Variants in MAN2A1 observed in about 807,000 individuals in gnomAD.
MAN2A1 encodes the protein alpha-mannosidase 2.
Under a neutral mutation model 142.6 loss-of-function variants are expected in MAN2A1, and 76 were observed. The observed-to-expected ratio is 0.53, with a 90% CI of 0.44 to 0.65. The LOEUF (loss-of-function observed/expected upper bound fraction) is 0.65, where lower values mean the gene tolerates loss of function less well. Among genes scored for constraint, MAN2A1 ranks in the 30% least tolerant of loss-of-function variants. The probability of loss-of-function intolerance (pLI) is 0.00; values close to 1 mark genes in which losing one functional copy is unlikely to be tolerated. For synonymous variants in MAN2A1, 559 were observed against 473.2 expected, an observed-to-expected ratio of 1.18 and a Z score of -2.35; for missense variants, 1,311 against 1,365.1, an observed-to-expected ratio of 0.96 and a Z score of 0.62.
chr5:109,715,153 C>T (rs1751417162), intron 2 of MAN2A1, among the ~76,000 whole-genome samples: 1 of 151,834 alleles, frequency 6.6e-6, no homozygotes, highest in African/African-American at 2.4e-5. Context: ...ATCCTCCTGC[C>T]CAGCTTGTTT....
At chr5:109,713,859 G>T in intron 2 of MAN2A1, 85 bp downstream of exon 2, 3 of 1,319,546 alleles carry the variant, frequency 2.3e-6, no homozygotes, top group Non-Finnish European at 3.1e-6. Context: ...TTCTGACTTG[G>T]TAAGTTGCTT....
rs1219935200 is a variant in MAN2A1, at chr5:109,804,293, TA to T, written c.1944-12977del. 6 of 986,908 alleles carry T rather than the reference TA, an allele frequency of 6.1e-6. No individual in the cohort carries two copies. In the African/African-American group the frequency reaches 1.0e-4, roughly 17 times the overall value. 61.1% of individuals were successfully genotyped at this position (986,908 alleles called of 1,614,324 possible). On this transcript the variant is annotated intron_variant, in intron 12 of 21. Transcript: ENST00000261483. ...CAACTTTGTGGTAAAAGAAACATTT[TA>T]AATAGAGCCTTTGGACTTATTTATT...
intron 17 of MAN2A1, among the ~76,000 whole-genome samples, chr5:109,844,047 C>T (rs75768518): frequency 0.04 from 6,029 of 152,180 alleles, 388 homozygotes; most frequent in African/African-American, 0.14. Context: ...CATGTTAATT[C>T]GACTACAGCC....
At chr5:109,697,916 T>C (rs929949621) in intron 1 of MAN2A1, among the ~76,000 whole-genome samples, 4 of 152,250 alleles carry the variant, frequency 2.6e-5, no homozygotes, top group African/African-American at 7.2e-5. Context: ...ACATGTTTCA[T>C]AGATTTCCAG....
rs1173758085 is a variant in MAN2A1 at position 109,868,895 on chromosome 5, A to T, written c.*1897A>T. 6.6e-6 allele frequency: 1 copy of T among 152,130 alleles called. No individual in the cohort carries two copies. The highest frequency in any genetic ancestry group is 1.9e-4 in the East Asian group (1 of 5,192). The allele number at this position is 152,130 out of a possible 1,614,324, so 9.4% of individuals were successfully genotyped here. A position where few individuals can be genotyped will look rare whatever the true frequency, so the allele number is the denominator to read the frequency against. ...TGGGAGTTCAGTTTGTCTGTGGTTA[A>T]GTGGGTGTGCTTAATCATTCTCGAA... On this transcript the variant is annotated 3_prime_UTR_variant, in exon 22 of 22. Transcript: ENST00000261483.
intron 12 of MAN2A1, among the ~76,000 whole-genome samples, chr5:109,816,033 A>G (rs1202051972): frequency 7.2e-5 from 11 of 152,214 alleles, no homozygotes; most frequent in Admixed American, 6.5e-5. Context: ...CTTGCAGAGG[A>G]TGCAGATTTC....
chr5:109,799,749 C>T (rs145481358), intron 12 of MAN2A1, among the ~76,000 whole-genome samples: 32 of 141,108 alleles, frequency 2.3e-4, no homozygotes, highest in African/African-American at 7.6e-4. Context: ...AGCAAAACTC[C>T]GTCTCAAAAA....
intron 4 of MAN2A1, among the ~76,000 whole-genome samples, chr5:109,738,583 T>A (rs1435164305): frequency 6.6e-6 from 1 of 152,194 alleles, no homozygotes; most frequent in Non-Finnish European, 1.5e-5. Flanking sequence ...ATCTACTGTG[T>A]GGCTTTGAGC....
chr5:109,780,548 G>A (rs903074525), intron 8 of MAN2A1, among the ~76,000 whole-genome samples: 5 of 145,546 alleles, frequency 3.4e-5, no homozygotes, highest in Non-Finnish European at 6.1e-5. Flanking sequence ...GTGTGTGTGT[G>A]TATGTGTGTA....
intron 4 of MAN2A1, among the ~76,000 whole-genome samples, chr5:109,739,033 G>T (rs1752190239): frequency 6.6e-6 from 1 of 152,046 alleles, no homozygotes; most frequent in Admixed American, 6.6e-5. Context: ...GTAGAGATGA[G>T]ATTTTGCCAT....
rs1561541814 is a variant in MAN2A1 at position 109,847,715 on chromosome 5, G to T, written c.2901G>T (p.Glu967Asp). 1 of 1,603,392 alleles carries T rather than the reference G, an allele frequency of 6.2e-7. No homozygotes were observed. Among genetic ancestry groups the T allele is most frequent in the African/African-American group, 1.3e-5 (1 of 74,384 alleles). Residue 967 changes from glutamate to aspartate, a missense_variant, in exon 19 of 22, where the codon GAG becomes GAT. Around this residue, in one of 3 missense-constraint regions of MAN2A1, gnomAD observed 890 missense variants for 920.5 expected, o/e 0.97. Transcript: ENST00000261483. ...RLMQDDNRGL[E>D]QGIQDNKITA... Reference sequence around the variant, plus strand: ...TGCAAGATGATAATCGTGGCCTTGAGCAAGGTATCCAGGATAACAAGATTA... The same window carrying T: ...TGCAAGATGATAATCGTGGCCTTGATCAAGGTATCCAGGATAACAAGATTA...
chr5:109,734,792 T>C (rs1752036126), intron 4 of MAN2A1, among the ~76,000 whole-genome samples: 1 of 152,186 alleles, frequency 6.6e-6, no homozygotes, highest in African/African-American at 2.4e-5. Flanking sequence ...TACTTCCAAC[T>C]ATGTGGTCAA....
intron 1 of MAN2A1, among the ~76,000 whole-genome samples, chr5:109,696,194 G>A (rs1019176816): frequency 3.3e-5 from 5 of 151,900 alleles, no homozygotes; most frequent in Non-Finnish European, 5.9e-5. Context: ...TCCACCTCCC[G>A]GGTTCAAGCG....
intron 16 of MAN2A1, among the ~76,000 whole-genome samples, chr5:109,841,883 A>G (rs1367571235): frequency 6.6e-6 from 1 of 152,200 alleles, no homozygotes; most frequent in Non-Finnish European, 1.5e-5. Flanking sequence ...GAACCAGCAG[A>G]ATGTAAACTT....
intron 12 of MAN2A1, among the ~76,000 whole-genome samples, chr5:109,812,461 A>T (rs768734439): frequency 2.0e-5 from 3 of 152,156 alleles, no homozygotes; most frequent in Non-Finnish European, 2.9e-5. Context: ...TCAAATCTAG[A>T]TATTGCAACT....
chr5:109,830,963 G>A (rs902615601), intron 16 of MAN2A1, among the ~76,000 whole-genome samples: 1 of 152,170 alleles, frequency 6.6e-6, no homozygotes, highest in Admixed American at 6.5e-5. Flanking sequence ...TAGCAAAGAA[G>A]CATCATCCCC....
At chr5:109,821,852 A>C (rs546767896) in intron 15 of MAN2A1, among the ~76,000 whole-genome samples, 1 of 151,738 alleles carries the variant, frequency 6.6e-6, no homozygotes, top group South Asian at 2.1e-4. Flanking sequence ...TAGTTTGTTA[A>C]TTATTTTATT....
chr5:109,779,679 C>T (rs1394075609), intron 8 of MAN2A1, among the ~76,000 whole-genome samples: 3 of 151,960 alleles, frequency 2.0e-5, no homozygotes, highest in Admixed American at 2.0e-4. Flanking sequence ...CTGTAAATTG[C>T]TTAAAGTACT....
At chr5:109,864,986 A>G in intron 20 of MAN2A1, 50 bp from the exon 21 acceptor site, 1 of 1,220,492 alleles carries the variant, frequency 8.2e-7, no homozygotes, top group South Asian at 1.2e-5. Flanking sequence ...AGTACCATAA[A>G]TATTTGCTTT....
Sources: gnomAD v4.1 joint callset for allele counts (sites outside exome capture counted in the v4.1 genomes callset) on GRCh38, gnomAD v4.1.1 for gene constraint, gnomAD v4.1.1 regional missense constraint, MANE v1.5 for transcripts, NCBI Gene and HGNC (gene_info 2026-07-23, HGNC 2026-07-21) for gene names.